SHANK2: variants seen among roughly 807,000 people sequenced by gnomAD.
The protein encoded by SHANK2 is SH3 and multiple ankyrin repeat domains protein 2.
Under a neutral mutation model 133.7 loss-of-function variants are expected in SHANK2, and 43 were observed. The ratio of observed to expected loss-of-function variants is 0.32; its 90% CI spans 0.25 to 0.41. The LOEUF (loss-of-function observed/expected upper bound fraction) is 0.41, where lower values mean the gene tolerates loss of function less well. SHANK2 is among the 10% of genes least tolerant of loss of function. The pLI is 1.00. For missense variants in SHANK2, 1,994 were observed against 2,235.8 expected, an observed-to-expected ratio of 0.89 and a Z score of 2.18; for synonymous variants, 1,017 against 952.8, an observed-to-expected ratio of 1.07 and a Z score of -1.24.
At chr11:70,553,915 G>C (rs1468925486) in intron 17 of SHANK2, among the ~76,000 whole-genome samples, 1 of 152,258 alleles carries the variant, frequency 6.6e-6, no homozygotes, top group Admixed American at 6.5e-5. Flanking sequence ...GGGTGATTCA[G>C]GGGTCCCTGC....
At chr11:70,570,371 G>A (rs975048866) in intron 17 of SHANK2, among the ~76,000 whole-genome samples, 3 of 152,200 alleles carry the variant, frequency 2.0e-5, no homozygotes, top group Non-Finnish European at 2.9e-5. Flanking sequence ...TAGGGTGCAC[G>A]CGTGGGTGCC....
chr11:70,890,532 G>A (rs1555074431), intron 11 of SHANK2, among the ~76,000 whole-genome samples: 1 of 151,980 alleles, frequency 6.6e-6, no homozygotes. Context: ...AGGCATGGTG[G>A]CTCAGGCCTG....
chr11:70,658,208 A>AACACACACACACACACAC (rs782131753), intron 17 of SHANK2, among the ~76,000 whole-genome samples: 4 of 97,562 alleles, frequency 4.1e-5, no homozygotes, highest in South Asian at 4.4e-4. Context: ...ACGCCCCCCC[A>AACACACACACACACACAC]ACACACACAC....
chr11:71,077,601 A>AT lies in SHANK2; in HGVS notation c.913-2327dup, dbSNP rs1388805391. On this transcript the variant is annotated intron_variant, in intron 8 of 25. Coordinates refer to ENST00000601538, the MANE Select transcript of SHANK2 (RefSeq NM_012309.5). The stretch of plus-strand genomic sequence containing the variant: ...TCCCACAGTCTTAGCACTAGCAGTA[A>AT]TTTTTTTTTTTTAAGTGTCATTTCG... 5.0e-3 allele frequency among the ~76,000 whole-genome samples: 746 copies of AT among 148,574 alleles called. 2 individuals carry two copies. The highest frequency in any genetic ancestry group is 0.028 in the Middle Eastern group (8 of 290).
At chr11:71,160,195 A>G (rs1250071427) in intron 2 of SHANK2, among the ~76,000 whole-genome samples, 1 of 152,202 alleles carries the variant, frequency 6.6e-6, no homozygotes, top group African/African-American at 2.4e-5. Context: ...GTGAAAATGC[A>G]GTCCCAGGAT....
rs114230721 is a variant in SHANK2 at position 71,118,560 on chromosome 11, C to T, written c.411+269G>A. On this transcript the variant is annotated intron_variant, in intron 4 of 25. Transcript: ENST00000601538. ...CTATCATGAGAACAGCATGGGAAAC[C>T]GCTATGATCCAATCACCTCCTCCCT... Among the ~76,000 whole-genome samples, 780 of 150,166 alleles carry T rather than the reference C, an allele frequency of 5.2e-3. 4 individuals carry two copies. The highest frequency in any genetic ancestry group is 0.019 in the African/African-American group (751 of 39,520).
intron 21 of SHANK2, among the ~76,000 whole-genome samples, chr11:70,498,896 C>T (rs782447672): frequency 4.6e-5 from 7 of 152,194 alleles, no homozygotes; most frequent in South Asian, 4.1e-4. Flanking sequence ...AGGGCCCACC[C>T]GAGTCCAGCA....
chr11:71,113,486 C>T (rs2135239196), intron 4 of SHANK2, 122 bp from the exon 5 acceptor site: 1 of 831,852 alleles, frequency 1.2e-6, no homozygotes, highest in East Asian at 2.7e-5. Context: ...AGCAAACTTC[C>T]AGTTTTAAAT....
At chr11:70,590,152 ACT>A (rs1429489370) in intron 17 of SHANK2, among the ~76,000 whole-genome samples, 2 of 152,108 alleles carry the variant, frequency 1.3e-5, no homozygotes, top group Non-Finnish European at 2.9e-5. Context: ...ACAGAGGGAG[ACT>A]CTGTCTAAAC....
intron 10 of SHANK2, among the ~76,000 whole-genome samples, chr11:70,898,050 C>T (rs184493691): frequency 3.7e-4 from 56 of 150,534 alleles, no homozygotes; most frequent in African/African-American, 1.3e-3. Context: ...GCAATCTCTG[C>T]CTCCCAGGCT....
At chr11:70,495,978 C>A (rs1555157012) in intron 21 of SHANK2, 1 of 153,876 alleles carries the variant, frequency 6.5e-6, no homozygotes, top group African/African-American at 2.4e-5. Context: ...TCCCTCCAGG[C>A]CTGACTTCCA....
At chr11:70,588,739 G>GCAGCAAGTTCTCCAGAGGATCTA (rs1554987365) in intron 17 of SHANK2, among the ~76,000 whole-genome samples, 1 of 152,246 alleles carries the variant, frequency 6.6e-6, no homozygotes, top group East Asian at 1.9e-4. Context: ...TGGAGAAGCT[G>GCAGCAAGTTCTCCAGAGGATCTA]CAGCAAGTTC....
intron 1 of SHANK2, among the ~76,000 whole-genome samples, chr11:71,233,512 T>C (rs1476513165): frequency 6.6e-6 from 1 of 152,162 alleles, no homozygotes; most frequent in Non-Finnish European, 1.5e-5. Flanking sequence ...GGTTTTGGCG[T>C]CTTTATTGGG....
At chr11:70,690,713 A>ATAAATATAAATG (rs1945270860) in intron 15 of SHANK2, among the ~76,000 whole-genome samples, 1 of 148,838 alleles carries the variant, frequency 6.7e-6, no homozygotes, top group Non-Finnish European at 1.5e-5. Context: ...AAATATAAAT[A>ATAAATATAAATG]TAAATATACC....
In SHANK2 at chr11:70,569,296, G is replaced by T. The variant is rs1156968058; in HGVS notation, c.2062-66365C>A. Reference sequence around the variant, plus strand: ...AAGCCATGCCGCTGGGGTCCTGGGGGGTCAGGCTCGGGAGCGTCTGGGGTG... The same window carrying T: ...AAGCCATGCCGCTGGGGTCCTGGGGTGTCAGGCTCGGGAGCGTCTGGGGTG... On this transcript the variant is annotated intron_variant, in intron 17 of 25. Coordinates refer to ENST00000601538, the MANE Select transcript of SHANK2 (RefSeq NM_012309.5). The surrounding 1 kb of genome is among the most constrained non-coding windows in gnomAD (Gnocchi z 5.1). Among the ~76,000 whole-genome samples the T allele has an allele frequency of 6.6e-6, 1 of 152,366 alleles. No individual in the cohort carries two copies. The highest frequency in any genetic ancestry group is 1.9e-4 in the East Asian group (1 of 5,178).
intron 10 of SHANK2, among the ~76,000 whole-genome samples, chr11:70,948,899 A>T (rs903517082): frequency 3.9e-5 from 6 of 152,214 alleles, no homozygotes; most frequent in Non-Finnish European, 5.9e-5. Flanking sequence ...AAATTTTAAC[A>T]TCTGGGCAGG....
chr11:70,865,520 G>A (rs1228679501), intron 11 of SHANK2, among the ~76,000 whole-genome samples: 1 of 152,194 alleles, frequency 6.6e-6, no homozygotes, highest in Non-Finnish European at 1.5e-5. Flanking sequence ...GGAATGGCCA[G>A]GCTGAGATGC....
chr11:70,558,593 C>A (rs1374090462), intron 17 of SHANK2, among the ~76,000 whole-genome samples: 1 of 152,254 alleles, frequency 6.6e-6, no homozygotes, highest in Non-Finnish European at 1.5e-5. Context: ...AAGATCAGTG[C>A]TCCCCCATGG....
intron 11 of SHANK2, among the ~76,000 whole-genome samples, chr11:70,839,397 G>T (rs1308927761): frequency 6.6e-6 from 1 of 152,178 alleles, no homozygotes; most frequent in Non-Finnish European, 1.5e-5. Flanking sequence ...GGCAGCCAGC[G>T]CAGTCTCCCC....
Sources: gnomAD v4.1 joint callset for allele counts (sites outside exome capture counted in the v4.1 genomes callset) on GRCh38, gnomAD v4.1.1 for gene constraint, Gnocchi (gnomAD v3.1) non-coding constraint, MANE v1.5 for transcripts, NCBI Gene and HGNC (gene_info 2026-07-23, HGNC 2026-07-21) for gene names.